NUP43: variants seen among roughly 807,000 people sequenced by gnomAD.
NUP43 encodes nucleoporin 43.
A neutral mutation model predicts 47.3 loss-of-function variants in NUP43; 32 were observed. That is an observed-to-expected ratio of 0.68 (90% confidence interval 0.51 to 0.91). The LOEUF is 0.91. NUP43 is among the 40% of genes least tolerant of loss of function. NUP43 has a pLI of 0.00. For synonymous variants in NUP43, 147 were observed against 158.4 expected, an observed-to-expected ratio of 0.93 and a Z score of 0.54; for missense variants, 444 against 453.9, an observed-to-expected ratio of 0.98 and a Z score of 0.20.
intron 4 of NUP43, among the ~76,000 whole-genome samples, chr6:149,742,093 C>A (rs1375858655): frequency 6.6e-6 from 1 of 151,516 alleles, no homozygotes; most frequent in East Asian, 1.9e-4. Flanking sequence ...ATGGTGCGAT[C>A]TCTGCTCACT....
chr6:149,744,678 A>G (rs1785868020), intron 2 of NUP43, among the ~76,000 whole-genome samples: 1 of 151,486 alleles, frequency 6.6e-6, no homozygotes, highest in African/African-American at 2.4e-5. Flanking sequence ...TCTACTAAAA[A>G]TACAAAAATT....
At position 149,736,694 on chromosome 6, in the gene NUP43, C is replaced by T. The variant is rs9479409; in HGVS notation, c.639-72G>A. 1.3e-3 allele frequency: 1,811 copies of T among 1,382,514 alleles called. 20 individuals are homozygous for T. The African/African-American group carries it at 0.019, about 14-fold the overall frequency. The allele number at this position is 1,382,514 out of a possible 1,614,324, so 85.6% of individuals were successfully genotyped here. A position where few individuals can be genotyped will look rare whatever the true frequency, so the allele number is the denominator to read the frequency against. Reference sequence around the variant, plus strand: ...TTATCTTTGTGTAACACAGGAAACACGTTTTTTGTTTGTTTTGAGACAAGG... The same window carrying T: ...TTATCTTTGTGTAACACAGGAAACATGTTTTTTGTTTGTTTTGAGACAAGG... On this transcript the variant is annotated intron_variant, in intron 5 of 7. Coordinates refer to ENST00000340413, the MANE Select transcript of NUP43 (RefSeq NM_198887.3).
rs1387463201 is a variant in NUP43, at chr6:149,746,500, A to G, written c.-5T>C. On this transcript the variant is annotated 5_prime_UTR_variant, in exon 1 of 8. Transcript: ENST00000340413. ...CTTCGCATAAATTTCCTCCATGCCG[A>G]AAGCGGCCGCAGCAGGTACTGCAAA... The G allele has an allele frequency of 6.2e-7, 1 of 1,614,182 alleles. No individual in the cohort carries two copies. Among genetic ancestry groups the G allele is most frequent in the South Asian group, 1.1e-5 (1 of 91,090 alleles).
intron 3 of NUP43, among the ~76,000 whole-genome samples, chr6:149,742,820 C>T (rs1004925516): frequency 6.6e-6 from 1 of 152,130 alleles, no homozygotes. Context: ...TTTTAGGGAT[C>T]AAGCAGTTGG....
chr6:149,731,614 T>G lies in NUP43; in HGVS notation c.912A>C (p.Gln304His), dbSNP rs772935610. The G allele has an allele frequency of 5.0e-6, 8 of 1,610,686 alleles. No homozygotes were observed. In the South Asian group the frequency reaches 7.7e-5, roughly 16 times the overall value. ...ACAGTATTCATTAAAAAGTTTTACC[T>G]TGGTGAAAGAGTGACGACTTTTCAG... is the stretch of plus-strand genomic sequence containing the variant. The part of the protein sequence containing the change: ...DVPEKSSLFH[Q>H]GGRSSTFLSH... The change falls in exon 7 of 8, where the codon CAA (glutamine) becomes CAC (histidine). Residue 304 changes from glutamine to histidine, a missense_variant and splice_region_variant. Physicochemically the swap from Gln to His is conservative, Grantham distance 24. Transcript: ENST00000340413.
At chr6:149,728,266 G>A (rs749453183) in intron 7 of NUP43, 179 of 976,532 alleles carry the variant, frequency 1.8e-4, no homozygotes, top group Non-Finnish European at 2.2e-4. Flanking sequence ...CCTTGCAATA[G>A]TAGACACAGA....
chr6:149,735,539 G>A (rs1347715013), intron 6 of NUP43, among the ~76,000 whole-genome samples: 4 of 140,186 alleles, frequency 2.9e-5, no homozygotes, highest in African/African-American at 1.1e-4. Flanking sequence ...AGGCTGCAAT[G>A]AGCTATGATC....
intron 5 of NUP43, among the ~76,000 whole-genome samples, chr6:149,738,257 T>C (rs1353869583): frequency 6.6e-6 from 1 of 152,202 alleles, no homozygotes; most frequent in Non-Finnish European, 1.5e-5. Context: ...GTGTGACACA[T>C]TCTATTTTCT....
Position 149,743,201 on chromosome 6 carries a change from A to G in NUP43, c.321+437T>C, listed in dbSNP as rs370196970. On this transcript the variant is annotated intron_variant, in intron 3 of 7. Transcript: ENST00000340413. Reference sequence around the variant, plus strand: ...AAAAAAAAAAATAAATAAATAAAATAAAATAAAATAAATAAAATATTAATC... The same window carrying G: ...AAAAAAAAAAATAAATAAATAAAATGAAATAAAATAAATAAAATATTAATC... 6.6e-5 allele frequency among the ~76,000 whole-genome samples: 10 copies of G among 151,498 alleles called. No individual in the cohort carries two copies. In the East Asian group the frequency reaches 9.7e-4, roughly 15 times the overall value.
chr6:149,735,000 G>A (rs1785249812), intron 6 of NUP43, among the ~76,000 whole-genome samples: 1 of 151,994 alleles, frequency 6.6e-6, no homozygotes, highest in Non-Finnish European at 1.5e-5. Context: ...AAATATGACA[G>A]CCTGCATTTG....
intron 6 of NUP43, among the ~76,000 whole-genome samples, chr6:149,734,635 T>C (rs1410678057): frequency 1.3e-5 from 2 of 151,346 alleles, no homozygotes; most frequent in African/African-American, 2.4e-5. Context: ...CCATTCCTAC[T>C]AAAAATACAA....
At chr6:149,736,687 G>A in intron 5 of NUP43, 65 bp from the exon 6 acceptor site, 1 of 1,406,618 alleles carries the variant, frequency 7.1e-7, no homozygotes, top group Admixed American at 1.8e-5. Context: ...GTGTAACACA[G>A]GAAACACGTT....
intron 4 of NUP43, among the ~76,000 whole-genome samples, chr6:149,740,611 G>A (rs548459878): frequency 6.6e-6 from 1 of 152,168 alleles, no homozygotes; most frequent in Non-Finnish European, 1.5e-5. Context: ...CCTGGTGACA[G>A]AGCGTGACTC....
chr6:149,742,559 G>A lies in NUP43; in HGVS notation c.333C>T (p.Val111=), dbSNP rs766631534. The A allele has an allele frequency of 6.2e-7, 1 of 1,613,768 alleles. No homozygotes were observed. Among genetic ancestry groups the A allele is most frequent in the South Asian group, 1.1e-5 (1 of 91,054 alleles). Residue 111 remains valine, a synonymous_variant, in exon 4 of 8, where the codon GTC becomes GTT. Coordinates refer to ENST00000340413, the MANE Select transcript of NUP43 (RefSeq NM_198887.3). The part of the protein sequence containing the change: ...LHHPNNQTLS[V]NQQWTTAHYH... ...AGTGAGCTGTAGTCCACTGCTGGTTGACTGACAGAGTCTAGGCATCAGAAA... is the reference window on the plus strand; with the variant it reads ...AGTGAGCTGTAGTCCACTGCTGGTTAACTGACAGAGTCTAGGCATCAGAAA...
chr6:149,746,279 A>T, intron 1 of NUP43, 97 bp downstream of exon 1: 1 of 1,533,402 alleles, frequency 6.5e-7, no homozygotes. Context: ...AAAGTGCGAG[A>T]AGAACCAGAA....
chr6:149,740,731 T>G (rs1172684079), intron 4 of NUP43, among the ~76,000 whole-genome samples: 1 of 152,182 alleles, frequency 6.6e-6, no homozygotes. Context: ...TTAAAAAATT[T>G]CCTCAGAGAA....
At position 149,742,441 on chromosome 6, in the gene NUP43, C is replaced by T. The variant is rs763866272; in HGVS notation, c.451G>A (p.Gly151Ser). The T allele has an allele frequency of 1.2e-6, 2 of 1,614,164 alleles. No homozygotes were observed. Among genetic ancestry groups the T allele is most frequent in the Non-Finnish European group, 1.7e-6 (2 of 1,180,030 alleles). Residue 151 changes from glycine (G) to serine (S), a missense_variant, in exon 4 of 8, where the codon GGT becomes AGT. Transcript: ENST00000340413. ...NPEIVTVGED[G>S]RINLFRADHK... The stretch of plus-strand genomic sequence containing the variant: ...TCAGCTCTGAAGAGATTTATTCGAC[C>T]ATCCTCTCCAACTGTAACGATTTCT...
rs1491192220 is a variant in NUP43 at position 149,735,599 on chromosome 6, A to AG, written c.790+871_790+872insC. Among the ~76,000 whole-genome samples the AG allele has an allele frequency of 9.9e-3, 436 of 43,952 alleles. 1 individual carries two copies. The highest frequency in any genetic ancestry group is 0.086 in the African/African-American group (415 of 4,836). The allele number at this position is 43,952 out of a possible 152,430, so 28.8% of individuals were successfully genotyped here. A position where few individuals can be genotyped will look rare whatever the true frequency, so the allele number is the denominator to read the frequency against. On this transcript the variant is annotated intron_variant, in intron 6 of 7. Transcript: ENST00000340413. ...GGCAACAGAGAGAGACCCTGTCTCC[A>AG]AAAAAAAAAAAAAAAAAAAAACACA... is the stretch of plus-strand genomic sequence containing the variant.
At chr6:149,740,915 T>A (rs1268035445) in intron 4 of NUP43, among the ~76,000 whole-genome samples, 1 of 152,202 alleles carries the variant, frequency 6.6e-6, no homozygotes, top group Non-Finnish European at 1.5e-5. Flanking sequence ...CTATACTTTT[T>A]GTCATTCTCT....
Sources: gnomAD v4.1 joint callset for allele counts (sites outside exome capture counted in the v4.1 genomes callset) on GRCh38, gnomAD v4.1.1 for gene constraint, MANE v1.5 for transcripts, NCBI Gene and HGNC (gene_info 2026-07-23, HGNC 2026-07-21) for gene names.